Variants in GIMAP7 observed in about 807,000 individuals in gnomAD.
GIMAP7 encodes GTPase, IMAP family member 7.
For missense variants in GIMAP7, 323 were observed against 359.7 expected, an observed-to-expected ratio of 0.90 and a Z score of 0.83; for synonymous variants, 137 against 129.3, an observed-to-expected ratio of 1.06 and a Z score of -0.40.
At chr7:150,516,903 T>C (rs1345742309) in intron 1 of GIMAP7, among the ~76,000 whole-genome samples, 1 of 152,228 alleles carries the variant, frequency 6.6e-6, no homozygotes, top group Non-Finnish European at 1.5e-5. Flanking sequence ...CCTAAACTTC[T>C]ATTAGAAGGC....
Position 150,519,970 on chromosome 7 carries a change from T to G in GIMAP7, c.-5T>G. The G allele has an allele frequency of 1.9e-6, 3 of 1,613,046 alleles. No individual in the cohort carries two copies. Among genetic ancestry groups the G allele is most frequent in the Non-Finnish European group, 2.5e-6 (3 of 1,179,144 alleles). On this transcript the variant is annotated 5_prime_UTR_variant, in exon 2 of 2. Transcript: ENST00000313543. ...GCCTAAGTTCTAGAGCCTCCTGACG[T>G]GAGCATGGCTGAGAGTGAGGACCGC...
intron 1 of GIMAP7, among the ~76,000 whole-genome samples, chr7:150,518,803 T>C (rs1319004468): frequency 1.3e-5 from 2 of 152,250 alleles, no homozygotes; most frequent in East Asian, 3.9e-4. Context: ...GTTTCTCTTA[T>C]TATTTATATG....
Position 150,520,646 on chromosome 7 carries a change from C to T in GIMAP7, c.672C>T (p.Tyr224=), listed in dbSNP as rs760112461. Residue 224 remains tyrosine, a synonymous_variant, in exon 2 of 2, where the codon TAC becomes TAT. Coordinates refer to ENST00000313543, the MANE Select transcript of GIMAP7 (RefSeq NM_153236.4). ...KQREEVLRKI[Y]TDQLNEEIKL... is the part of the protein sequence containing the mutation. ...GGGAAGAGGTTTTGAGGAAAATCTA[C>T]ACTGACCAATTAAATGAAGAAATTA... 6.2e-7 allele frequency: 1 copy of T among 1,613,570 alleles called. No homozygotes were observed.
rs186190440 is a variant in GIMAP7 at position 150,517,003 on chromosome 7, A to G, written c.-42+2058A>G. ...TTGTTTCATTAAAAGTTACCAAAAG[A>G]TGATATTCTATCATTCTTTATTTAT... On this transcript the variant is annotated intron_variant, in intron 1 of 1. Transcript: ENST00000313543. 2.0e-5 allele frequency among the ~76,000 whole-genome samples: 3 copies of G among 152,338 alleles called. No homozygotes were observed. In the East Asian group the frequency reaches 5.8e-4, roughly 29 times the overall value.
At position 150,520,483 on chromosome 7, in the gene GIMAP7, G is replaced by C. The variant is rs774522502; in HGVS notation, c.509G>C (p.Ser170Thr). 1 of 1,614,224 alleles carries C rather than the reference G, an allele frequency of 6.2e-7. No homozygotes were observed. Among genetic ancestry groups the C allele is most frequent in the South Asian group, 1.1e-5 (1 of 91,084 alleles). The change falls in exon 2 of 2, where the codon AGC becomes ACC. Residue 170 changes from serine to threonine, a missense_variant. Transcript: ENST00000313543. ...AACCGCTGCTGTGCCTTTAGCAACA[G>C]CAAGAAAACCAGTAAGGCAGAGAAG... ...CGNRCCAFSN[S>T]KKTSKAEKES...
At position 150,520,048 on chromosome 7, in the gene GIMAP7, C is replaced by G. The variant is rs201064674; in HGVS notation, c.74C>G (p.Ala25Gly). ...ACTGGAAGTGGGAAAAGTGCAACAG[C>G]GAACACCATCCTTGGAGAGGAAATC... The part of the protein sequence containing the change: ...GKTGSGKSAT[A>G]NTILGEEIFD... The change falls in exon 2 of 2, where the codon GCG becomes GGG. Residue 25 changes from alanine (A) to glycine (G), a missense_variant. Ala to Gly is a moderately conservative substitution (Grantham distance 60). Coordinates refer to ENST00000313543, the MANE Select transcript of GIMAP7 (RefSeq NM_153236.4). 6.2e-7 allele frequency: 1 copy of G among 1,614,094 alleles called. No homozygotes were observed. Among genetic ancestry groups the G allele is most frequent in the Non-Finnish European group, 8.5e-7 (1 of 1,180,012 alleles).
At chr7:150,519,737 T>C (rs1468060623) in intron 1 of GIMAP7, among the ~76,000 whole-genome samples, 197 bp from the exon 2 acceptor site, 1 of 152,220 alleles carries the variant, frequency 6.6e-6, no homozygotes, top group Non-Finnish European at 1.5e-5. Flanking sequence ...TACTACTTTG[T>C]GGGGAAACTC....
At chr7:150,514,979 T>A (rs1319089413) in intron 1 of GIMAP7, 34 bp downstream of exon 1, 2 of 152,924 alleles carry the variant, frequency 1.3e-5, no homozygotes, top group Non-Finnish European at 2.9e-5. Flanking sequence ...CTGGTGCTAT[T>A]GGGCTGCGAA....
chr7:150,517,786 A>G (rs1453451168), intron 1 of GIMAP7, among the ~76,000 whole-genome samples: 2 of 152,248 alleles, frequency 1.3e-5, no homozygotes, highest in East Asian at 3.9e-4. Context: ...TGTTCTCAAG[A>G]TCAAATTTGC....
chr7:150,515,630 G>C (rs1369286865), intron 1 of GIMAP7, among the ~76,000 whole-genome samples: 1 of 152,156 alleles, frequency 6.6e-6, no homozygotes, highest in Non-Finnish European at 1.5e-5. Flanking sequence ...GGTGGGTCTG[G>C]CCACAGTTTA....
In GIMAP7 at chr7:150,514,919, C is replaced by T. The variant is rs1260573687; in HGVS notation, c.-68C>T. ...CTCAAGCAGCCTCCTTGGAGAAAACCTGAAAATTCAACTTGTTCAAGAGAA... is the reference window on the plus strand; with the variant it reads ...CTCAAGCAGCCTCCTTGGAGAAAACTTGAAAATTCAACTTGTTCAAGAGAA... On this transcript the variant is annotated 5_prime_UTR_variant, in exon 1 of 2. Transcript: ENST00000313543. The T allele has an allele frequency of 2.0e-5, 3 of 152,356 alleles. No individual in the cohort carries two copies. The highest frequency in any genetic ancestry group is 4.1e-4 in the South Asian group (2 of 4,836). 9.4% of individuals were successfully genotyped at this position (152,356 alleles called of 1,614,324 possible). A position where few individuals can be genotyped will look rare whatever the true frequency, so the allele number is the denominator to read the frequency against.
At chr7:150,518,876 G>A (rs970594229) in intron 1 of GIMAP7, among the ~76,000 whole-genome samples, 17 of 151,866 alleles carry the variant, frequency 1.1e-4, no homozygotes, top group Non-Finnish European at 1.9e-4. Flanking sequence ...GGAATTGGAG[G>A]CAATTTTATC....
rs1185221583 is a variant in GIMAP7 at position 150,520,454 on chromosome 7, C to T, written c.480C>T (p.Cys160=). 5 of 1,614,174 alleles carry T rather than the reference C, an allele frequency of 3.1e-6. No individual in the cohort carries two copies. The highest frequency in any genetic ancestry group is 4.5e-5 in the East Asian group (2 of 44,894). The change falls in exon 2 of 2, where the codon TGC becomes TGT. Residue 160 remains cysteine, a synonymous_variant. Transcript: ENST00000313543. ...DVGLKSIVKE[C]GNRCCAFSNS... ...GCCTAAAAAGCATCGTCAAGGAGTGCGGGAACCGCTGCTGTGCCTTTAGCA... is the reference window on the plus strand; with the variant it reads ...GCCTAAAAAGCATCGTCAAGGAGTGTGGGAACCGCTGCTGTGCCTTTAGCA...
chr7:150,520,828 C>G lies in GIMAP7; in HGVS notation c.854C>G (p.Ser285Ter). ...TTTAATAGGATTTGGAAGATGCTTT[C>G]AGAAATATGGCATAGGTTTTTGTCG... ...DVFNRIWKML[S>*]EIWHRFLSKC... The change falls in exon 2 of 2, where the codon TCA (serine) becomes TGA (stop). Residue 285 changes from serine (S) to a stop codon, truncating the protein, a stop_gained. Coordinates refer to ENST00000313543, the MANE Select transcript of GIMAP7 (RefSeq NM_153236.4). LOFTEE classifies it low-confidence loss of function (END_TRUNC). The G allele has an allele frequency of 6.6e-7, 1 of 1,504,870 alleles. No individual in the cohort carries two copies. Among genetic ancestry groups the G allele is most frequent in the Non-Finnish European group, 8.9e-7 (1 of 1,126,408 alleles). 93.2% of individuals were successfully genotyped at this position (1,504,870 alleles called of 1,614,324 possible).
At chr7:150,516,967 C>T (rs907584535) in intron 1 of GIMAP7, among the ~76,000 whole-genome samples, 1 of 152,054 alleles carries the variant, frequency 6.6e-6, no homozygotes, top group Non-Finnish European at 1.5e-5. Flanking sequence ...TAATGATTGT[C>T]TAGAATGAAT....
At chr7:150,515,945 GA>G (rs1230836798) in intron 1 of GIMAP7, among the ~76,000 whole-genome samples, 1 of 152,192 alleles carries the variant, frequency 6.6e-6, no homozygotes, top group Non-Finnish European at 1.5e-5. Flanking sequence ...CCATGTCAAT[GA>G]AAATTTAGAA....
chr7:150,518,640 G>A (rs940000816), intron 1 of GIMAP7, among the ~76,000 whole-genome samples: 33 of 84,122 alleles, frequency 3.9e-4, no homozygotes, highest in African/African-American at 9.2e-4. Context: ...TTCCTAGTTT[G>A]ATATTTGTGT....
At position 150,518,530 on chromosome 7, in the gene GIMAP7, G is replaced by A. The variant is rs901474242; in HGVS notation, c.-41-1404G>A. Among the ~76,000 whole-genome samples, 8 of 151,864 alleles carry A rather than the reference G, an allele frequency of 5.3e-5. No homozygotes were observed. The East Asian group carries it at 1.2e-3, about 22-fold the overall frequency. On this transcript the variant is annotated intron_variant, in intron 1 of 1. Coordinates refer to ENST00000313543, the MANE Select transcript of GIMAP7 (RefSeq NM_153236.4). Reference sequence around the variant, plus strand: ...TTGGCCGTGGGTTCATATCTTGCCCGATTTTCTATCAAGTCATTGGTCTTT... The same window carrying A: ...TTGGCCGTGGGTTCATATCTTGCCCAATTTTCTATCAAGTCATTGGTCTTT...
intron 1 of GIMAP7, 52 bp from the exon 2 acceptor site, chr7:150,519,882 G>T: frequency 9.4e-7 from 1 of 1,066,534 alleles, no homozygotes; most frequent in Middle Eastern, 2.8e-4. Flanking sequence ...GGTTGGGAAT[G>T]GATCTCACTT....
Sources: allele counts gnomAD v4.1 joint callset (sites outside exome capture counted in the v4.1 genomes callset), GRCh38; gene constraint gnomAD v4.1.1; transcripts MANE v1.5; gene names NCBI Gene and HGNC (gene_info 2026-07-23, HGNC 2026-07-21).